Variants in WDPCP observed in about 807,000 individuals in gnomAD.
The protein encoded by WDPCP is WD repeat-containing and planar cell polarity effector protein fritz homolog.
Under a neutral mutation model 93.1 loss-of-function variants are expected in WDPCP, and 71 were observed. The observed-to-expected ratio is 0.76, with a 90% CI of 0.63 to 0.93. The LOEUF (loss-of-function observed/expected upper bound fraction) is 0.93, where lower values mean the gene tolerates loss of function less well. WDPCP is among the 40% of genes least tolerant of loss of function. The pLI is 0.00. For missense variants in WDPCP, 844 were observed against 887.4 expected, an observed-to-expected ratio of 0.95 and a Z score of 0.62; for synonymous variants, 315 against 315.0, an observed-to-expected ratio of 1.00 and a Z score of 0.00.
intron 2 of WDPCP, chr2:63,718,028 T>G (rs1336340349): frequency 6.6e-6 from 1 of 152,544 alleles, no homozygotes; most frequent in Non-Finnish European, 1.5e-5. Flanking sequence ...TCTGAGGCAC[T>G]GAAAATACAT....
At chr2:63,494,541 G>A (rs564072148) in intron 1 of WDPCP, among the ~76,000 whole-genome samples, 12 of 152,234 alleles carry the variant, frequency 7.9e-5, no homozygotes, top group African/African-American at 2.6e-4. Flanking sequence ...GACTAGCTCC[G>A]GAGTCTGTTT....
chr2:63,387,627 G>A (rs886153947), intron 10 of WDPCP, among the ~76,000 whole-genome samples: 2 of 152,084 alleles, frequency 1.3e-5, no homozygotes, highest in African/African-American at 4.8e-5. Flanking sequence ...GTCCTAGCCA[G>A]AGCCATCAGG....
intron 1 of WDPCP, among the ~76,000 whole-genome samples, chr2:63,579,039 T>A (rs1052409280): frequency 1.1e-4 from 17 of 152,186 alleles, no homozygotes; most frequent in African/African-American, 4.1e-4. Context: ...TGACAAAGCA[T>A]CTGAGGTGGT....
At chr2:63,628,487 A>C (rs1709833114) in intron 3 of WDPCP, among the ~76,000 whole-genome samples, 1 of 152,212 alleles carries the variant, frequency 6.6e-6, no homozygotes, top group Non-Finnish European at 1.5e-5. Context: ...AAAATAATCG[A>C]TTTAAAAAGC....
intron 2 of WDPCP, among the ~76,000 whole-genome samples, chr2:63,491,921 T>G (rs373432610): frequency 3.9e-5 from 6 of 152,190 alleles, no homozygotes; most frequent in East Asian, 3.9e-4. Context: ...CTTCCAAAAT[T>G]TGTCCAATTT....
At chr2:63,765,055 A>C (rs1156513271) in intron 2 of WDPCP, among the ~76,000 whole-genome samples, 1 of 152,212 alleles carries the variant, frequency 6.6e-6, no homozygotes, top group East Asian at 1.9e-4. Flanking sequence ...TGGAAGATAC[A>C]ATGGTAAACA....
intron 13 of WDPCP, among the ~76,000 whole-genome samples, chr2:63,290,894 G>A (rs1251612119): frequency 6.6e-6 from 1 of 152,048 alleles, no homozygotes; most frequent in Non-Finnish European, 1.5e-5. Flanking sequence ...ATTTGTCTAT[G>A]CTGTGCCAAG....
chr2:63,822,729 A>C (rs1671041083), intron 1 of WDPCP, among the ~76,000 whole-genome samples: 1 of 151,910 alleles, frequency 6.6e-6, no homozygotes, highest in Admixed American at 6.6e-5. Flanking sequence ...CTAAAAGAAA[A>C]TTTTTAATTG....
chr2:63,235,032 AATAAT>A (rs1295761321), intron 14 of WDPCP, among the ~76,000 whole-genome samples: 1 of 152,148 alleles, frequency 6.6e-6, no homozygotes, highest in African/African-American at 2.4e-5. Flanking sequence ...TGACACCAAA[AATAAT>A]ATAAAGGATA....
At chr2:63,126,150 T>C (rs1006565517) in intron 17 of WDPCP, among the ~76,000 whole-genome samples, 2 of 151,820 alleles carry the variant, frequency 1.3e-5, no homozygotes, top group East Asian at 1.9e-4. Flanking sequence ...GCCAGGCTGG[T>C]CTTGAACTCC....
At chr2:63,615,557 T>C (rs958883777) in intron 3 of WDPCP, among the ~76,000 whole-genome samples, 1 of 152,094 alleles carries the variant, frequency 6.6e-6, no homozygotes, top group Non-Finnish European at 1.5e-5. Context: ...AGATACCCCC[T>C]CCCCACTAAC....
At chr2:63,255,579 T>C (rs557483163) in intron 14 of WDPCP, among the ~76,000 whole-genome samples, 3 of 152,184 alleles carry the variant, frequency 2.0e-5, no homozygotes, top group Non-Finnish European at 4.4e-5. Context: ...CCTCTTACCA[T>C]GTGATATGGC....
chr2:63,837,435 C>G, the WDPCP span, among the ~76,000 whole-genome samples: 1 of 152,174 alleles, frequency 6.6e-6, no homozygotes, highest in Non-Finnish European at 1.5e-5. Flanking sequence ...GTATGGGCAA[C>G]AGTCCAGTGG....
chr2:63,735,457 G>A (rs1036456519), intron 2 of WDPCP, among the ~76,000 whole-genome samples: 4 of 152,174 alleles, frequency 2.6e-5, no homozygotes, highest in African/African-American at 7.2e-5. Flanking sequence ...GGAGCAATGC[G>A]CCACAGGATG....
At chr2:63,197,471 G>T (rs1376744261) in intron 14 of WDPCP, among the ~76,000 whole-genome samples, 4 of 151,924 alleles carry the variant, frequency 2.6e-5, no homozygotes, top group African/African-American at 9.7e-5. Flanking sequence ...CTTGTTCAAG[G>T]GTTAGTTGTA....
rs534782870 is a variant in WDPCP at position 63,458,014 on chromosome 2, C to T, written c.385-18143G>A. ...TGGTGTGCACCTGTAGTCCCAGCTA[C>T]TTGGGAGGCTGAGGCAGGAGAATCG... On this transcript the variant is annotated intron_variant, in intron 6 of 17. Coordinates refer to ENST00000272321, the MANE Select transcript of WDPCP (RefSeq NM_015910.7). 5.9e-5 allele frequency among the ~76,000 whole-genome samples: 9 copies of T among 151,544 alleles called. No homozygotes were observed. In the East Asian group the frequency reaches 1.8e-3, roughly 29 times the overall value.
At chr2:63,648,572 G>A (rs1710077871) in intron 3 of WDPCP, among the ~76,000 whole-genome samples, 2 of 151,992 alleles carry the variant, frequency 1.3e-5, no homozygotes, top group Non-Finnish European at 2.9e-5. Flanking sequence ...ATATGATTTG[G>A]GTACCTATAG....
chr2:63,613,096 C>G (rs917724034), intron 3 of WDPCP, among the ~76,000 whole-genome samples: 2 of 152,170 alleles, frequency 1.3e-5, no homozygotes, highest in African/African-American at 4.8e-5. Context: ...TGGCTCCATG[C>G]CTTTGTTTGG....
intron 12 of WDPCP, among the ~76,000 whole-genome samples, chr2:63,339,186 T>G (rs894541777): frequency 6.6e-6 from 1 of 152,142 alleles, no homozygotes; most frequent in Non-Finnish European, 1.5e-5. Context: ...TTAATTTTTA[T>G]TTTTTGAGAT....
Sources: gnomAD v4.1 joint callset for allele counts (sites outside exome capture counted in the v4.1 genomes callset) on GRCh38, gnomAD v4.1.1 for gene constraint, MANE v1.5 for transcripts, NCBI Gene and HGNC (gene_info 2026-07-23, HGNC 2026-07-21) for gene names.